The following VAV3 variants were observed in gnomAD, a reference collection of about 807,000 sequenced individuals.
VAV3 encodes guanine nucleotide exchange factor VAV3.
In VAV3, 94 loss-of-function variants were observed where a neutral mutation model predicts 131.2. The ratio of observed to expected loss-of-function variants is 0.72; its 90% confidence interval spans 0.61 to 0.85. VAV3 has a LOEUF of 0.85. Ranked by LOEUF, VAV3 falls within the 40% of genes least tolerant of loss-of-function variation. VAV3 has a pLI of 0.00. For synonymous variants in VAV3, 349 were observed against 342.0 expected, an observed-to-expected ratio of 1.02 and a Z score of -0.22; for missense variants, 939 against 1,002.7, an observed-to-expected ratio of 0.94 and a Z score of 0.86.
Position 107,736,338 on chromosome 1 carries a change from G to C in VAV3, c.1502+12630C>G, listed in dbSNP as rs545179563. ...TCTCTCACCACTCCTATTCAACATA[G>C]TGTTGAAAGTTCTGGCAAGGGCAAT... On this transcript the variant is annotated intron_variant, in intron 15 of 26. Coordinates refer to ENST00000370056, the MANE Select transcript of VAV3 (RefSeq NM_006113.5). Among the ~76,000 whole-genome samples the C allele has an allele frequency of 4.7e-3, 718 of 152,194 alleles. 4 individuals carry two copies. Among genetic ancestry groups the C allele is most frequent in the African/African-American group, 0.016 (676 of 41,480 alleles).
intron 1 of VAV3, among the ~76,000 whole-genome samples, chr1:107,883,524 T>C (rs1340661686): frequency 6.6e-6 from 1 of 152,234 alleles, no homozygotes; most frequent in Non-Finnish European, 1.5e-5. Flanking sequence ...ATTGTCATCA[T>C]ATCTTCTTAT....
chr1:107,755,226 GA>G (rs1664031148), intron 12 of VAV3, among the ~76,000 whole-genome samples, 200 bp downstream of exon 12: 1 of 152,102 alleles, frequency 6.6e-6, no homozygotes, highest in South Asian at 2.1e-4. Context: ...AGGTAAGAGG[GA>G]CAAGCCATCA....
intron 1 of VAV3, among the ~76,000 whole-genome samples, chr1:107,927,562 G>A (rs1375927053): frequency 6.6e-6 from 1 of 152,082 alleles, no homozygotes; most frequent in Non-Finnish European, 1.5e-5. Context: ...GCCCTGTAAG[G>A]GGAGTCCCAG....
At chr1:107,720,154 A>G (rs1381213163) in intron 15 of VAV3, among the ~76,000 whole-genome samples, 1 of 152,148 alleles carries the variant, frequency 6.6e-6, no homozygotes, top group East Asian at 1.9e-4. Context: ...GCACATGTAT[A>G]CATATGTAAC....
chr1:107,574,745 A>G (rs748195068), intron 25 of VAV3, among the ~76,000 whole-genome samples: 65 of 152,308 alleles, frequency 4.3e-4, no homozygotes, highest in African/African-American at 1.5e-3. Flanking sequence ...AAGGCTTTCT[A>G]TGTTAAAACT....
intron 3 of VAV3, 80 bp downstream of exon 3, chr1:107,779,354 C>T (rs1340656681): frequency 3.8e-6 from 5 of 1,312,126 alleles, no homozygotes; most frequent in Non-Finnish European, 5.2e-6. Context: ...GTGCAAGATG[C>T]TTCACAAATA....
chr1:107,623,691 G>C (rs1423195784), intron 20 of VAV3, among the ~76,000 whole-genome samples: 1 of 152,180 alleles, frequency 6.6e-6, no homozygotes, highest in South Asian at 2.1e-4. Context: ...ATGGTTATAT[G>C]ATGGCCACTA....
chr1:107,882,534 CT>C (rs200666582), intron 1 of VAV3, among the ~76,000 whole-genome samples: 1 of 151,834 alleles, frequency 6.6e-6, no homozygotes, highest in African/African-American at 2.4e-5. Context: ...TCAGATCATC[CT>C]TTTTTTTAAC....
intron 22 of VAV3, among the ~76,000 whole-genome samples, chr1:107,606,796 G>A (rs896210786): frequency 7.9e-6 from 1 of 126,150 alleles, no homozygotes; most frequent in African/African-American, 3.0e-5. Flanking sequence ...CACTCCAATG[G>A]TTTCTTCTTT....
intron 19 of VAV3, among the ~76,000 whole-genome samples, chr1:107,650,544 A>ATTAT (rs545602047): frequency 7.1e-4 from 106 of 149,606 alleles, no homozygotes; most frequent in South Asian, 4.6e-3. Flanking sequence ...TTTTTATTTT[A>ATTAT]TTATTTATTT....
chr1:107,576,302 A>T lies in VAV3; in HGVS notation c.2351-2104T>A. 5 of 1,071,484 alleles carry T rather than the reference A, an allele frequency of 4.7e-6. No homozygotes were observed. The East Asian group carries it at 8.2e-5, about 17-fold the overall frequency. The allele number at this position is 1,071,484 out of a possible 1,614,324, so 66.4% of individuals were successfully genotyped here. A position where few individuals can be genotyped will look rare whatever the true frequency, so the allele number is the denominator to read the frequency against. On this transcript the variant is annotated intron_variant, in intron 25 of 26. Transcript: ENST00000370056. ...CGAGGGATTGTCTGTGAGGAGATGT[A>T]TCCGTATGAGAAGCCATACATGGAA...
chr1:107,806,989 T>A (rs551907970), intron 2 of VAV3, among the ~76,000 whole-genome samples: 44 of 152,186 alleles, frequency 2.9e-4, no homozygotes, highest in Non-Finnish European at 6.0e-4. Flanking sequence ...TACTGAATTG[T>A]TTATGGATTA....
chr1:107,870,580 G>A (rs1670207795), intron 2 of VAV3, among the ~76,000 whole-genome samples: 1 of 152,052 alleles, frequency 6.6e-6, no homozygotes, highest in Non-Finnish European at 1.5e-5. Context: ...CTCCTACTCT[G>A]TGGGTTGTCT....
chr1:107,724,510 T>C (rs988882617), intron 15 of VAV3, among the ~76,000 whole-genome samples: 1 of 152,192 alleles, frequency 6.6e-6, no homozygotes, highest in Non-Finnish European at 1.5e-5. Flanking sequence ...TTACAGTTCT[T>C]TCAATCTAGG....
At chr1:107,876,811 C>A (rs186354617) in intron 1 of VAV3, among the ~76,000 whole-genome samples, 1 of 151,684 alleles carries the variant, frequency 6.6e-6, no homozygotes, top group Non-Finnish European at 1.5e-5. Context: ...TAAGTTATAC[C>A]AAAATAAAGT....
intron 17 of VAV3, among the ~76,000 whole-genome samples, chr1:107,699,272 G>A (rs1453402509): frequency 1.3e-5 from 2 of 152,222 alleles, no homozygotes; most frequent in Non-Finnish European, 2.9e-5. Context: ...GGGAGAAATT[G>A]ATCAAAACAA....
chr1:107,761,142 C>A (rs367779362), intron 9 of VAV3, among the ~76,000 whole-genome samples: 1 of 152,134 alleles, frequency 6.6e-6, no homozygotes, highest in Non-Finnish European at 1.5e-5. Flanking sequence ...GTAATCCCAG[C>A]ACTTTGGGAG....
chr1:107,749,652 T>C (rs1663584201), intron 13 of VAV3, 58 bp from the exon 14 acceptor site: 1 of 1,559,506 alleles, frequency 6.4e-7, no homozygotes, highest in African/African-American at 1.4e-5. Flanking sequence ...GGGTTATTAA[T>C]TTTTTTGGGT....
intron 25 of VAV3, 105 bp downstream of exon 25, chr1:107,596,107 C>T (rs1651359774): frequency 1.1e-5 from 16 of 1,441,818 alleles, no homozygotes; most frequent in South Asian, 5.6e-5. Context: ...CATGCATTAG[C>T]GCATCCATTG....
Sources: gnomAD v4.1 joint callset for allele counts (sites outside exome capture counted in the v4.1 genomes callset) on GRCh38, gnomAD v4.1.1 for gene constraint, MANE v1.5 for transcripts, NCBI Gene and HGNC (gene_info 2026-07-23, HGNC 2026-07-21) for gene names.